Variants in ILDR1 observed in about 807,000 individuals in gnomAD.
ILDR1 encodes the protein immunoglobulin like domain containing receptor 1.
A neutral mutation model predicts 62.4 loss-of-function variants in ILDR1; 56 were observed. That is an observed-to-expected ratio of 0.90 (90% CI 0.72 to 1.12). The LOEUF is 1.12. ILDR1 is among the 50% of genes most tolerant of loss of function. The pLI is 0.00. For missense variants in ILDR1, 736 were observed against 710.6 expected (o/e 1.04, Z -0.41); for synonymous variants, 284 against 277.8 (o/e 1.02, Z -0.22).
the ILDR1 span, among the ~76,000 whole-genome samples, chr3:122,033,800 A>G: frequency 6.6e-6 from 1 of 152,124 alleles, no homozygotes; most frequent in Non-Finnish European, 1.5e-5. Context: ...GTGACCATAC[A>G]TGTGTAAATC....
upstream of ILDR1, among the ~76,000 whole-genome samples, chr3:122,024,239 A>G (rs2071903105): frequency 1.3e-5 from 2 of 152,216 alleles, no homozygotes; most frequent in Admixed American, 6.5e-5. Flanking sequence ...GTTAATGTAC[A>G]TTTGAATATA....
intron 1 of ILDR1, among the ~76,000 whole-genome samples, chr3:122,015,545 A>G (rs1271606088): frequency 6.6e-6 from 1 of 152,178 alleles, no homozygotes; most frequent in Non-Finnish European, 1.5e-5. Context: ...AGTTCTCACA[A>G]GATCCAGTGG....
intron 3 of ILDR1, among the ~76,000 whole-genome samples, chr3:122,003,743 G>A (rs906064444): frequency 7.9e-5 from 12 of 152,188 alleles, no homozygotes; most frequent in African/African-American, 2.9e-4. Flanking sequence ...AAGGTGGCTG[G>A]GAGTGGGAGT....
chr3:122,047,408 A>G, the ILDR1 span, among the ~76,000 whole-genome samples: 1 of 152,252 alleles, frequency 6.6e-6, no homozygotes, highest in Non-Finnish European at 1.5e-5. Context: ...GCCTACAGAG[A>G]CAGGCAGGCC....
At chr3:121,989,603 G>C (rs2071308967) in intron 7 of ILDR1, among the ~76,000 whole-genome samples, 1 of 152,198 alleles carries the variant, frequency 6.6e-6, no homozygotes, top group Admixed American at 6.5e-5. Flanking sequence ...AGGAGCCTGG[G>C]CCACTCAAGT....
At position 122,007,525 on chromosome 3, in the gene ILDR1, T is replaced by C. The variant is rs145453110; in HGVS notation, c.59-364A>G. On this transcript the variant is annotated intron_variant, in intron 1 of 7. Coordinates refer to ENST00000344209, the MANE Select transcript of ILDR1 (RefSeq NM_001199799.2). The stretch of plus-strand genomic sequence containing the variant: ...CCTCACATCATGTCTCTTCTTAAAA[T>C]GGTTTCCCGTTTCCTAAGGATAAAG... Among the ~76,000 whole-genome samples the C allele has an allele frequency of 2.5e-3, 374 of 152,336 alleles. 3 individuals are homozygous for C. Among genetic ancestry groups the C allele is most frequent in the African/African-American group, 8.4e-3 (349 of 41,570 alleles).
chr3:122,022,058 G>C lies in ILDR1; in HGVS notation c.20C>G (p.Pro7Arg). 6.2e-7 allele frequency: 1 copy of C among 1,610,720 alleles called. No individual in the cohort carries two copies. The highest frequency in any genetic ancestry group is 2.2e-5 in the East Asian group (1 of 44,800). Residue 7 changes from proline (P) to arginine (R), a missense_variant, in exon 1 of 8, where the codon CCC becomes CGC. Pro to Arg is a moderately radical substitution (Grantham distance 103, BLOSUM62 -2). Transcript: ENST00000344209. Reference sequence around the variant, plus strand: ...GGTGCAGAGCAGCAGCCAAGGTGCGGGCAGTTTGGGCCATGCCATGCCGCC... The same window carrying C: ...GGTGCAGAGCAGCAGCCAAGGTGCGCGCAGTTTGGGCCATGCCATGCCGCC... MAWPKL[P>R]APWLLLCTWL...
At chr3:121,999,357 CA>C (rs903046584) in intron 5 of ILDR1, among the ~76,000 whole-genome samples, 5 of 151,438 alleles carry the variant, frequency 3.3e-5, no homozygotes, top group Admixed American at 2.0e-4. Flanking sequence ...AAATAGAAGC[CA>C]AAAAAAATTA....
At chr3:122,048,256 A>C in the ILDR1 span, among the ~76,000 whole-genome samples, 1 of 152,230 alleles carries the variant, frequency 6.6e-6, no homozygotes, top group Non-Finnish European at 1.5e-5. Context: ...TCATATGTTG[A>C]ATCATCTTTG....
chr3:122,061,262 C>G, the ILDR1 span, among the ~76,000 whole-genome samples: 1 of 151,942 alleles, frequency 6.6e-6, no homozygotes, highest in Admixed American at 6.6e-5. Flanking sequence ...ACCAACTAAA[C>G]AATAAATCTT....
the ILDR1 span, among the ~76,000 whole-genome samples, chr3:122,047,140 C>T: frequency 1.5e-4 from 22 of 148,026 alleles, no homozygotes; most frequent in African/African-American, 4.0e-4. Flanking sequence ...TTCTAACAGA[C>T]AGGACCCTCA....
chr3:122,054,833 C>T, the ILDR1 span, among the ~76,000 whole-genome samples: 1 of 152,156 alleles, frequency 6.6e-6, no homozygotes, highest in East Asian at 1.9e-4. Flanking sequence ...AGAATATTCG[C>T]TTTCATCAAT....
the ILDR1 span, among the ~76,000 whole-genome samples, chr3:122,048,705 G>A: frequency 6.6e-6 from 1 of 152,040 alleles, no homozygotes; most frequent in Non-Finnish European, 1.5e-5. Flanking sequence ...CCAATTTGTT[G>A]GAACGTAAGT....
chr3:122,015,606 T>C (rs2071765670), intron 1 of ILDR1, among the ~76,000 whole-genome samples: 1 of 152,218 alleles, frequency 6.6e-6, no homozygotes, highest in Non-Finnish European at 1.5e-5. Context: ...CCTGCCACCA[T>C]GTGAAGAAGG....
At chr3:122,041,904 CT>C in the ILDR1 span, among the ~76,000 whole-genome samples, 1 of 137,850 alleles carries the variant, frequency 7.3e-6, no homozygotes, top group Non-Finnish European at 1.6e-5. Context: ...CCCTTTATTT[CT>C]TTTTCTTTTT....
chr3:122,006,531 C>T (rs569673653), intron 2 of ILDR1, among the ~76,000 whole-genome samples: 1 of 152,254 alleles, frequency 6.6e-6, no homozygotes, highest in African/African-American at 2.4e-5. Context: ...GAATGACCAT[C>T]TTCCCGAAGG....
At chr3:122,009,362 CACAG>C (rs1559880052) in intron 1 of ILDR1, among the ~76,000 whole-genome samples, 1 of 151,480 alleles carries the variant, frequency 6.6e-6, no homozygotes, top group East Asian at 1.9e-4. Context: ...CACACACACA[CACAG>C]GCTTTAGATT....
chr3:122,016,221 C>T (rs945512623), intron 1 of ILDR1, among the ~76,000 whole-genome samples: 2 of 152,228 alleles, frequency 1.3e-5, no homozygotes, highest in Non-Finnish European at 1.5e-5. Flanking sequence ...CATGCATCAT[C>T]CCTTCAGGGA....
the ILDR1 span, among the ~76,000 whole-genome samples, chr3:122,050,034 A>C: frequency 6.6e-6 from 1 of 152,206 alleles, no homozygotes; most frequent in African/African-American, 2.4e-5. Context: ...CTACAGTTGC[A>C]CAAACAGACG....
Sources: gnomAD v4.1 joint callset for allele counts (sites outside exome capture counted in the v4.1 genomes callset) on GRCh38, gnomAD v4.1.1 for gene constraint, MANE v1.5 for transcripts, NCBI Gene and HGNC (gene_info 2026-07-23, HGNC 2026-07-21) for gene names.